Variants in TBX20 observed in about 807,000 individuals in gnomAD.
The protein encoded by TBX20 is T-box transcription factor 20, also known as T-box transcription factor TBX20.
A neutral mutation model predicts 42.9 loss-of-function variants in TBX20; 8 were observed. The observed-to-expected ratio is 0.19, with a 90% confidence interval of 0.11 to 0.34. TBX20 has a LOEUF of 0.34. TBX20 is among the 10% of genes least tolerant of loss of function. The pLI is 1.00. For synonymous variants in TBX20, 198 were observed against 222.8 expected (o/e 0.89, Z 0.99); for missense variants, 411 against 566.0 (o/e 0.73, Z 2.78).
rs559965524 is a variant in TBX20 at position 35,253,984 on chromosome 7, T to G, written c.-364A>C. ...GTCCTGGAGCATCCCCTCCGCGTCC[T>G]TCCTCCCTCTGGGGCTGGGGACAGC... On this transcript the variant is annotated 5_prime_UTR_variant, in exon 1 of 8. Coordinates refer to ENST00000408931, the MANE Select transcript of TBX20 (RefSeq NM_001077653.2). 5.9e-5 allele frequency: 11 copies of G among 187,432 alleles called. No homozygotes were observed. The highest frequency in any genetic ancestry group is 1.1e-4 in the Admixed American group (2 of 17,630). The allele number at this position is 187,432 out of a possible 1,614,324, so 11.6% of individuals were successfully genotyped here. A position where few individuals can be genotyped will look rare whatever the true frequency, so the allele number is the denominator to read the frequency against.
At chr7:35,206,831 T>C (rs1310081710) in intron 6 of TBX20, among the ~76,000 whole-genome samples, 1 of 152,230 alleles carries the variant, frequency 6.6e-6, no homozygotes, top group East Asian at 1.9e-4. Flanking sequence ...ACTCAGCATA[T>C]TTTAAGATTT....
intron 6 of TBX20, among the ~76,000 whole-genome samples, chr7:35,214,947 C>G (rs1305139561): frequency 1.3e-5 from 2 of 152,106 alleles, no homozygotes; most frequent in Middle Eastern, 3.2e-3. Flanking sequence ...ATTCCTCTTC[C>G]CACAAATTGC....
At chr7:35,213,837 G>C (rs1316111349) in intron 6 of TBX20, among the ~76,000 whole-genome samples, 1 of 120,630 alleles carries the variant, frequency 8.3e-6, no homozygotes, top group Non-Finnish European at 1.6e-5. Flanking sequence ...TGACAAAGAA[G>C]TATTGAGTCA....
chr7:35,211,642 A>T (rs1789497631), intron 6 of TBX20, among the ~76,000 whole-genome samples: 1 of 152,138 alleles, frequency 6.6e-6, no homozygotes, highest in Admixed American at 6.5e-5. Flanking sequence ...TGATGGTGTT[A>T]TATCTGGACT....
At chr7:35,247,713 C>T (rs1026209052) in intron 3 of TBX20, among the ~76,000 whole-genome samples, 14 of 152,228 alleles carry the variant, frequency 9.2e-5, no homozygotes, top group African/African-American at 3.4e-4. Context: ...TACAAACTTT[C>T]AATCAATCAC....
intron 5 of TBX20, among the ~76,000 whole-genome samples, chr7:35,236,263 T>C (rs950946551): frequency 6.6e-6 from 1 of 151,184 alleles, no homozygotes; most frequent in African/African-American, 2.4e-5. Flanking sequence ...TTAAGATATA[T>C]GAAAGTGGTC....
chr7:35,222,090 A>G (rs1262152061), intron 6 of TBX20, among the ~76,000 whole-genome samples: 1 of 152,222 alleles, frequency 6.6e-6, no homozygotes, highest in East Asian at 1.9e-4. Flanking sequence ...AAGAAATATA[A>G]TGAAGATTAG....
At chr7:35,229,754 AG>A (rs1314725867) in intron 6 of TBX20, among the ~76,000 whole-genome samples, 1 of 152,150 alleles carries the variant, frequency 6.6e-6, no homozygotes, top group Non-Finnish European at 1.5e-5. Flanking sequence ...ATGGGATAAA[AG>A]TTGTTAGATG....
intron 5 of TBX20, among the ~76,000 whole-genome samples, chr7:35,233,007 C>T (rs913601205): frequency 7.9e-5 from 12 of 152,194 alleles, no homozygotes; most frequent in East Asian, 1.9e-4. Flanking sequence ...GCGACAAGAG[C>T]GAGAGAAAGA....
intron 5 of TBX20, among the ~76,000 whole-genome samples, chr7:35,233,522 C>A (rs1305473153): frequency 6.6e-6 from 1 of 152,182 alleles, no homozygotes; most frequent in African/African-American, 2.4e-5. Flanking sequence ...TTATAGAGAA[C>A]CTTCTCACAC....
At chr7:35,245,096 A>G (rs1229479087) in intron 3 of TBX20, 39 bp from the exon 4 acceptor site, 6 of 1,408,672 alleles carry the variant, frequency 4.3e-6, no homozygotes, top group Non-Finnish European at 5.0e-6. Context: ...AGACTTCTTT[A>G]AAAAGTCTGT....
rs766208877 is a variant in TBX20 at position 35,231,572 on chromosome 7, C to T, written c.822G>A (p.Lys274=). 1.7e-5 allele frequency: 28 copies of T among 1,611,214 alleles called. No individual in the cohort carries two copies. The African/African-American group carries it at 3.3e-4, about 19-fold the overall frequency. ...VTAYQNQLIT[K]LKIDSNPFAK... is the part of the protein sequence containing the mutation. ...CAAAAGGATTGCTATCTATTTTCAG[C>T]TTCGTTATCTGGAGAAAGAATGGGT... Residue 274 remains lysine (K), a synonymous_variant, in exon 6 of 8, where the codon AAG becomes AAA. Transcript: ENST00000408931.
chr7:35,210,615 T>A (rs1478078438), intron 6 of TBX20, among the ~76,000 whole-genome samples: 1 of 152,190 alleles, frequency 6.6e-6, no homozygotes, highest in Non-Finnish European at 1.5e-5. Flanking sequence ...GACTGTATAT[T>A]ACCCTTGAAG....
chr7:35,240,094 AG>A (rs1172448844), intron 5 of TBX20, among the ~76,000 whole-genome samples: 1 of 152,212 alleles, frequency 6.6e-6, no homozygotes, highest in Non-Finnish European at 1.5e-5. Flanking sequence ...GAGAGTAAAA[AG>A]CATAGGTTGA....
intron 6 of TBX20, among the ~76,000 whole-genome samples, chr7:35,217,727 C>CT (rs892230567): frequency 1.9e-4 from 29 of 149,550 alleles, no homozygotes; most frequent in South Asian, 4.2e-4. Flanking sequence ...TAAAAGCAGA[C>CT]TTTTTTTTTT....
At chr7:35,216,577 TTTATTG>T (rs1419314308) in intron 6 of TBX20, among the ~76,000 whole-genome samples, 3 of 152,152 alleles carry the variant, frequency 2.0e-5, no homozygotes, top group Non-Finnish European at 4.4e-5. Context: ...TTAAATTATC[TTTATTG>T]TTATTATTGA....
At chr7:35,244,896 G>C in intron 4 of TBX20, 53 bp downstream of exon 4, 1 of 1,309,502 alleles carries the variant, frequency 7.6e-7, no homozygotes, top group Non-Finnish European at 1.1e-6. Context: ...AGTTTTGTGC[G>C]ACCTGTCCAT....
In TBX20 at chr7:35,250,340, G is replaced by A. The variant is rs1000596882; in HGVS notation, c.128-137C>T. 1.5e-5 allele frequency: 16 copies of A among 1,060,458 alleles called. No homozygotes were observed. In the East Asian group the frequency reaches 4.1e-4, roughly 27 times the overall value. 65.7% of individuals were successfully genotyped at this position (1,060,458 alleles called of 1,614,324 possible). On this transcript the variant is annotated intron_variant, in intron 1 of 7. Transcript: ENST00000408931. Reference sequence around the variant, plus strand: ...TCAGAAACTCCAGGCAGGCTGTAGGGATGACCCATCATCACTGTATAAAAT... The same window carrying A: ...TCAGAAACTCCAGGCAGGCTGTAGGAATGACCCATCATCACTGTATAAAAT...
intron 6 of TBX20, among the ~76,000 whole-genome samples, chr7:35,228,077 T>C (rs1211876106): frequency 7.7e-6 from 1 of 130,116 alleles, no homozygotes; most frequent in Non-Finnish European, 1.6e-5. Context: ...TTTTAAACAA[T>C]TAAAAATAAT....
Sources: allele counts gnomAD v4.1 joint callset (sites outside exome capture counted in the v4.1 genomes callset), GRCh38; gene constraint gnomAD v4.1.1; transcripts MANE v1.5; gene names NCBI Gene and HGNC (gene_info 2026-07-23, HGNC 2026-07-21).